FBXW8: variants seen among roughly 807,000 people sequenced by gnomAD.
FBXW8 encodes the protein F-box and WD repeat domain containing 8.
FBXW8 carries 57 observed loss-of-function variants against 65.3 expected under a neutral mutation model. The ratio of observed to expected loss-of-function variants is 0.87; its 90% CI spans 0.71 to 1.09. The LOEUF is 1.09. Among genes scored for constraint, FBXW8 ranks in the 50% least tolerant of loss-of-function variants. FBXW8 has a pLI of 0.00. For synonymous variants in FBXW8, 308 were observed against 330.2 expected (o/e 0.93, Z 0.73); for missense variants, 777 against 814.8 (o/e 0.95, Z 0.57).
chr12:116,948,131 A>T (rs939586483), intron 3 of FBXW8, among the ~76,000 whole-genome samples: 5 of 152,252 alleles, frequency 3.3e-5, no homozygotes, highest in African/African-American at 1.2e-4. Flanking sequence ...GCATGAAGTT[A>T]TCTGGAATTG....
At chr12:116,960,775 G>A (rs1883938631) in intron 4 of FBXW8, among the ~76,000 whole-genome samples, 1 of 152,246 alleles carries the variant, frequency 6.6e-6, no homozygotes, top group Non-Finnish European at 1.5e-5. Context: ...TGGCACTGCG[G>A]TAGGGCCTTC....
intron 4 of FBXW8, chr12:116,951,381 G>A (rs1261440908): frequency 6.6e-6 from 1 of 152,168 alleles, no homozygotes; most frequent in African/African-American, 2.4e-5. Context: ...TGAGACAGCG[G>A]TGTTTGTGGT....
intron 7 of FBXW8, among the ~76,000 whole-genome samples, chr12:116,997,960 C>T (rs879753717): frequency 1.3e-5 from 2 of 152,178 alleles, no homozygotes; most frequent in African/African-American, 4.8e-5. Context: ...GGACTACAGG[C>T]GTGTGCCACC....
chr12:116,988,197 T>C (rs1485507025), intron 6 of FBXW8, among the ~76,000 whole-genome samples: 2 of 152,124 alleles, frequency 1.3e-5, no homozygotes, highest in Non-Finnish European at 2.9e-5. Context: ...ATATGTGAGT[T>C]TATTTGTAAG....
At chr12:116,923,902 A>G (rs1272553244) in intron 1 of FBXW8, among the ~76,000 whole-genome samples, 1 of 152,050 alleles carries the variant, frequency 6.6e-6, no homozygotes, top group Non-Finnish European at 1.5e-5. Context: ...TTTATTAGAG[A>G]CGGGGTTTCA....
At chr12:116,977,959 T>C (rs1308299450) in intron 5 of FBXW8, 1 of 152,264 alleles carries the variant, frequency 6.6e-6, no homozygotes, top group African/African-American at 2.4e-5. Flanking sequence ...TCAATCTTAC[T>C]TCCTCTTCTC....
intron 2 of FBXW8, among the ~76,000 whole-genome samples, chr12:116,942,543 T>A (rs1882663773): frequency 1.3e-5 from 2 of 151,012 alleles, no homozygotes; most frequent in Non-Finnish European, 3.0e-5. Context: ...TCCAGCTAGT[T>A]TTTTATATTT....
At chr12:116,993,399 G>T (rs1953301284) in intron 7 of FBXW8, among the ~76,000 whole-genome samples, 2 of 152,088 alleles carry the variant, frequency 1.3e-5, no homozygotes, top group South Asian at 4.1e-4. Flanking sequence ...ACCGCACCCG[G>T]CCTGTTTTTT....
chr12:116,950,820 T>G (rs1309600074), intron 4 of FBXW8: 1 of 152,184 alleles, frequency 6.6e-6, no homozygotes, highest in Non-Finnish European at 1.5e-5. Context: ...TGCTAAAATG[T>G]GGGCCTGCGA....
rs187066798 is a variant in FBXW8, at chr12:116,946,769, G to T, written c.588+1241G>T. Among the ~76,000 whole-genome samples the T allele has an allele frequency of 4.9e-3, 750 of 152,096 alleles. 4 individuals are homozygous for T. The highest frequency in any genetic ancestry group is 5.1e-3 in the Non-Finnish European group (348 of 68,008). On this transcript the variant is annotated intron_variant, in intron 3 of 10. Transcript: ENST00000652555. ...CAGTCCCTCTTGCCCGTGTGCCTGG[G>T]TAGGTCCATGTGATGCACACAGGCA...
chr12:116,918,415 A>G (rs1035665629), intron 1 of FBXW8, among the ~76,000 whole-genome samples: 102 of 152,256 alleles, frequency 6.7e-4, no homozygotes, highest in African/African-American at 2.2e-3. Context: ...ACTGGAATCT[A>G]TTGATTCCTG....
At chr12:116,967,357 T>TA (rs1156654902) in intron 5 of FBXW8, among the ~76,000 whole-genome samples, 1 of 152,246 alleles carries the variant, frequency 6.6e-6, no homozygotes, top group Non-Finnish European at 1.5e-5. Context: ...GCAAGCAATA[T>TA]ACTTGAACAA....
chr12:116,926,817 T>C (rs1881357521), intron 1 of FBXW8, among the ~76,000 whole-genome samples: 1 of 152,180 alleles, frequency 6.6e-6, no homozygotes, highest in South Asian at 2.1e-4. Flanking sequence ...CTTTTTATGC[T>C]CTGGGCTGTC....
intron 7 of FBXW8, among the ~76,000 whole-genome samples, chr12:117,002,094 CT>C (rs1953537450): frequency 6.6e-6 from 1 of 152,232 alleles, no homozygotes; most frequent in South Asian, 2.1e-4. Context: ...TTGGTTTGGC[CT>C]CACTCCGGTC....
At chr12:117,007,687 G>A (rs931832243) in intron 7 of FBXW8, among the ~76,000 whole-genome samples, 1 of 152,126 alleles carries the variant, frequency 6.6e-6, no homozygotes, top group Non-Finnish European at 1.5e-5. Context: ...CACCCAACTA[G>A]GGCAATAAAG....
chr12:116,993,717 T>C (rs1953307900), intron 7 of FBXW8, among the ~76,000 whole-genome samples: 1 of 152,274 alleles, frequency 6.6e-6, no homozygotes, highest in Non-Finnish European at 1.5e-5. Flanking sequence ...CTGTTGATTA[T>C]TTCTTTTGCT....
chr12:116,962,157 G>A (rs963080188), intron 4 of FBXW8, among the ~76,000 whole-genome samples: 5 of 152,192 alleles, frequency 3.3e-5, no homozygotes, highest in African/African-American at 1.2e-4. Flanking sequence ...TTTGATTTTA[G>A]ACGTGTGGAG....
At chr12:117,014,621 G>A (rs1287001352) in intron 8 of FBXW8, among the ~76,000 whole-genome samples, 1 of 152,218 alleles carries the variant, frequency 6.6e-6, no homozygotes, top group Non-Finnish European at 1.5e-5. Context: ...CAGTCACCCT[G>A]GTTAGGTTCA....
chr12:116,941,266 C>T (rs1261893176), intron 2 of FBXW8, among the ~76,000 whole-genome samples: 1 of 152,212 alleles, frequency 6.6e-6, no homozygotes, highest in Non-Finnish European at 1.5e-5. Context: ...CCTAGTTGAT[C>T]TCCAAGGCCC....
Sources: gnomAD v4.1 joint callset for allele counts (sites outside exome capture counted in the v4.1 genomes callset) on GRCh38, gnomAD v4.1.1 for gene constraint, MANE v1.5 for transcripts, NCBI Gene and HGNC (gene_info 2026-07-23, HGNC 2026-07-21) for gene names.